Variants in C12orf42 observed in about 807,000 individuals in gnomAD.
The protein encoded by C12orf42 is chromosome 12 open reading frame 42, also known as uncharacterized protein C12orf42.
C12orf42 carries 25 observed loss-of-function variants against 21.6 expected under a neutral mutation model. The ratio of observed to expected loss-of-function variants is 1.16; its 90% CI spans 0.84 to 1.62. The LOEUF (loss-of-function observed/expected upper bound fraction) is 1.62. Ranked by LOEUF, C12orf42 falls within the 40% of genes most tolerant of loss-of-function variation. The probability of loss-of-function intolerance (pLI) is 0.00; values close to 1 mark genes in which losing one functional copy is unlikely to be tolerated. For missense variants in C12orf42, 483 were observed against 459.3 expected, an observed-to-expected ratio of 1.05 and a Z score of -0.47; for synonymous variants, 174 against 175.0, an observed-to-expected ratio of 0.99 and a Z score of 0.05.
chr12:103,449,274 T>C (rs10861018), intron 2 of C12orf42, among the ~76,000 whole-genome samples: 87,311 of 151,758 alleles, frequency 0.58, 27,622 homozygotes, highest in Admixed American at 0.7. Flanking sequence ...TCAATCATAA[T>C]TGGGAGCTAA....
the C12orf42 span, among the ~76,000 whole-genome samples, chr12:103,529,921 A>T: frequency 6.6e-6 from 1 of 152,060 alleles, no homozygotes; most frequent in Non-Finnish European, 1.5e-5. Context: ...TTCCCCCATG[A>T]CACTTTCAGA....
chr12:103,242,996 A>T (rs1000215291), intron 10 of C12orf42, among the ~76,000 whole-genome samples: 1 of 151,784 alleles, frequency 6.6e-6, no homozygotes, highest in African/African-American at 2.4e-5. Flanking sequence ...ATTTACTTTA[A>T]TATAATCATA....
At chr12:103,199,611 T>C in the C12orf42 span, among the ~76,000 whole-genome samples, 5 of 152,094 alleles carry the variant, frequency 3.3e-5, no homozygotes, top group Admixed American at 2.0e-4. Flanking sequence ...TATAACTCAA[T>C]AGCAAAAAAA....
the C12orf42 span, among the ~76,000 whole-genome samples, chr12:103,128,796 TAGTC>T: frequency 1.3e-5 from 2 of 152,266 alleles, no homozygotes; most frequent in African/African-American, 2.4e-5. Context: ...GATAAGTTAT[TAGTC>T]AGCCTAATAG....
At chr12:103,158,947 A>C in the C12orf42 span, among the ~76,000 whole-genome samples, 1 of 152,180 alleles carries the variant, frequency 6.6e-6, no homozygotes, top group Admixed American at 6.5e-5. Flanking sequence ...ACAATAAATA[A>C]AATAAGGAGA....
the C12orf42 span, among the ~76,000 whole-genome samples, chr12:103,505,765 C>G: frequency 1.3e-5 from 2 of 152,190 alleles, no homozygotes; most frequent in Admixed American, 1.3e-4. Flanking sequence ...CAGCTGATCA[C>G]GTGATGGTGG....
chr12:103,154,229 G>T, the C12orf42 span, among the ~76,000 whole-genome samples: 2 of 152,114 alleles, frequency 1.3e-5, no homozygotes, highest in Admixed American at 1.3e-4. Flanking sequence ...GTATGCTGGT[G>T]AATGCTCCCT....
intron 4 of C12orf42, among the ~76,000 whole-genome samples, chr12:103,280,226 A>G (rs2136303486): frequency 6.6e-6 from 1 of 152,334 alleles, no homozygotes; most frequent in African/African-American, 2.4e-5. Flanking sequence ...TGTGGGTCAT[A>G]TAGATTGTAG....
chr12:103,160,430 A>G, the C12orf42 span, among the ~76,000 whole-genome samples: 1 of 152,194 alleles, frequency 6.6e-6, no homozygotes, highest in Non-Finnish European at 1.5e-5. Context: ...GAATGACTTT[A>G]TGTCTTTAAA....
chr12:103,492,223 G>C (rs1955232010), intron 1 of C12orf42, among the ~76,000 whole-genome samples: 1 of 152,204 alleles, frequency 6.6e-6, no homozygotes, highest in Admixed American at 6.5e-5. Context: ...CTCCCAAAAT[G>C]CTGGGATTAC....
chr12:103,060,540 A>G, the C12orf42 span, among the ~76,000 whole-genome samples: 2 of 152,220 alleles, frequency 1.3e-5, no homozygotes, highest in East Asian at 3.8e-4. Flanking sequence ...CAAAAAGAAC[A>G]AAGATGGAGG....
intron 4 of C12orf42, among the ~76,000 whole-genome samples, chr12:103,295,291 A>G (rs2037180827): frequency 6.6e-6 from 1 of 152,148 alleles, no homozygotes. Flanking sequence ...AGTCTTTTAT[A>G]GAGAGCCGAA....
intron 2 of C12orf42, chr12:103,441,424 C>T (rs532504601): frequency 5.9e-5 from 9 of 152,234 alleles, no homozygotes; most frequent in African/African-American, 1.9e-4. Context: ...TCAAACTGGC[C>T]TATTTTAAGA....
intron 2 of C12orf42, among the ~76,000 whole-genome samples, chr12:103,433,009 C>A (rs995065411): frequency 7.2e-5 from 11 of 152,122 alleles, no homozygotes; most frequent in Non-Finnish European, 1.6e-4. Context: ...GAAAAAGCAA[C>A]CCGAAGCACA....
chr12:103,383,079 T>C (rs1030498816), intron 3 of C12orf42, among the ~76,000 whole-genome samples: 9 of 152,246 alleles, frequency 5.9e-5, no homozygotes, highest in South Asian at 2.1e-4. Flanking sequence ...ATGTTTCTTA[T>C]ATGTATAAAT....
the C12orf42 span, among the ~76,000 whole-genome samples, chr12:103,182,842 A>G: frequency 6.6e-6 from 1 of 152,254 alleles, no homozygotes; most frequent in Non-Finnish European, 1.5e-5. Flanking sequence ...CAACCAGGAC[A>G]TAGATATTAA....
At chr12:103,522,606 C>A in the C12orf42 span, among the ~76,000 whole-genome samples, 1 of 152,100 alleles carries the variant, frequency 6.6e-6, no homozygotes, top group Non-Finnish European at 1.5e-5. Context: ...GATATGGGAG[C>A]TGATTTTTAG....
intron 5 of C12orf42, among the ~76,000 whole-genome samples, chr12:103,273,446 TTTTAG>T (rs2035582347): frequency 6.6e-6 from 1 of 152,164 alleles, no homozygotes; most frequent in Non-Finnish European, 1.5e-5. Flanking sequence ...ATATTGGCCA[TTTTAG>T]ACTGTAATGG....
chr12:103,286,144 C>T (rs12305112), intron 4 of C12orf42, among the ~76,000 whole-genome samples: 1 of 151,540 alleles, frequency 6.6e-6, no homozygotes, highest in Non-Finnish European at 1.5e-5. Context: ...CCAGCTACTC[C>T]GGAGGCTGAG....
Sources: gnomAD v4.1 joint callset for allele counts (sites outside exome capture counted in the v4.1 genomes callset) on GRCh38, gnomAD v4.1.1 for gene constraint, MANE v1.5 for transcripts, NCBI Gene and HGNC (gene_info 2026-07-23, HGNC 2026-07-21) for gene names.